The following ATP8B4 variants were observed in gnomAD, a reference collection of about 807,000 sequenced individuals.
ATP8B4 encodes probable phospholipid-transporting ATPase IM.
ATP8B4 carries 133 observed loss-of-function variants against 145.6 expected under a neutral mutation model. The ratio of observed to expected loss-of-function variants is 0.91; its 90% CI spans 0.79 to 1.05. ATP8B4 has a LOEUF of 1.05. Ranked by LOEUF, ATP8B4 falls within the 50% of genes least tolerant of loss-of-function variation. ATP8B4 has a pLI of 0.00. For synonymous variants in ATP8B4, 507 were observed against 492.9 expected, an observed-to-expected ratio of 1.03 and a Z score of -0.38; for missense variants, 1,458 against 1,425.2, an observed-to-expected ratio of 1.02 and a Z score of -0.37.
At chr15:50,009,975 C>T (rs894732275) in intron 7 of ATP8B4, among the ~76,000 whole-genome samples, 3 of 152,112 alleles carry the variant, frequency 2.0e-5, no homozygotes, top group African/African-American at 7.2e-5. Flanking sequence ...TCAGTATACA[C>T]AGATGGTGCA....
At chr15:50,167,371 T>C (rs2044610475) in intron 1 of ATP8B4, among the ~76,000 whole-genome samples, 2 of 152,182 alleles carry the variant, frequency 1.3e-5, no homozygotes, top group South Asian at 4.1e-4. Context: ...GCCTCTCTCA[T>C]ACCTTTTAGT....
intron 23 of ATP8B4, among the ~76,000 whole-genome samples, chr15:49,891,257 A>G (rs1190743587): frequency 6.6e-6 from 1 of 151,586 alleles, no homozygotes; most frequent in African/African-American, 2.4e-5. Context: ...CTCCTAAGTC[A>G]TCCTAGATCC....
At chr15:49,927,636 T>A (rs1327827234) in intron 16 of ATP8B4, among the ~76,000 whole-genome samples, 2 of 152,126 alleles carry the variant, frequency 1.3e-5, no homozygotes, top group Non-Finnish European at 2.9e-5. Flanking sequence ...CCACAGCCTG[T>A]AATGGTGACC....
At chr15:50,102,472 A>G (rs1259739088) in intron 2 of ATP8B4, among the ~76,000 whole-genome samples, 2 of 152,234 alleles carry the variant, frequency 1.3e-5, no homozygotes, top group Middle Eastern at 6.8e-3. Flanking sequence ...ACACCTTTAC[A>G]TCCATAAACT....
At chr15:50,065,509 C>T (rs2053321954) in intron 3 of ATP8B4, among the ~76,000 whole-genome samples, 1 of 152,140 alleles carries the variant, frequency 6.6e-6, no homozygotes, top group Non-Finnish European at 1.5e-5. Flanking sequence ...TCAATTGTTA[C>T]TAAACTTGCC....
At chr15:50,162,818 T>G (rs2044542482) in intron 1 of ATP8B4, among the ~76,000 whole-genome samples, 1 of 152,214 alleles carries the variant, frequency 6.6e-6, no homozygotes, top group African/African-American at 2.4e-5. Flanking sequence ...TTTTTTGTTT[T>G]TTTTCTTGTT....
At chr15:49,957,181 A>C (rs1420140579) in intron 14 of ATP8B4, among the ~76,000 whole-genome samples, 1 of 152,172 alleles carries the variant, frequency 6.6e-6, no homozygotes. Context: ...CTATTAAGAA[A>C]AATATTAGGA....
At chr15:49,920,091 A>C (rs923377165) in intron 18 of ATP8B4, among the ~76,000 whole-genome samples, 155 bp downstream of exon 18, 1 of 152,314 alleles carries the variant, frequency 6.6e-6, no homozygotes, top group South Asian at 2.1e-4. Context: ...TACATGGAAA[A>C]CTCAAAGCCA....
chr15:50,147,331 G>A (rs1293515056), intron 1 of ATP8B4, among the ~76,000 whole-genome samples: 12 of 150,168 alleles, frequency 8.0e-5, no homozygotes, highest in Admixed American at 6.0e-4. Flanking sequence ...CATGAGAATC[G>A]CTTGAACTGG....
At chr15:50,150,725 T>A (rs1233440817) in intron 1 of ATP8B4, among the ~76,000 whole-genome samples, 3 of 152,250 alleles carry the variant, frequency 2.0e-5, no homozygotes, top group Non-Finnish European at 2.9e-5. Context: ...TTCAGAGTTG[T>A]ACCTCTGCAA....
chr15:49,925,132 T>C (rs1186684202), intron 16 of ATP8B4, among the ~76,000 whole-genome samples: 1 of 152,114 alleles, frequency 6.6e-6, no homozygotes, highest in Non-Finnish European at 1.5e-5. Flanking sequence ...AATATCCATA[T>C]TAGAAATTAA....
chr15:50,028,272 C>G (rs554340658), intron 6 of ATP8B4, among the ~76,000 whole-genome samples: 1 of 152,280 alleles, frequency 6.6e-6, no homozygotes, highest in South Asian at 2.1e-4. Context: ...CTTTTCCTTC[C>G]AGTATTGCAC....
intron 14 of ATP8B4, among the ~76,000 whole-genome samples, chr15:49,952,516 ACTT>A (rs1031035104): frequency 3.5e-4 from 54 of 152,176 alleles, no homozygotes; most frequent in African/African-American, 1.3e-3. Flanking sequence ...TATTTCACGA[ACTT>A]CTCATACTGT....
intron 6 of ATP8B4, among the ~76,000 whole-genome samples, chr15:50,019,988 G>A (rs1189187700): frequency 6.6e-6 from 1 of 151,638 alleles, no homozygotes; most frequent in East Asian, 1.9e-4. Flanking sequence ...TTTGAAACAG[G>A]GTCTCTGTTG....
intron 27 of ATP8B4, among the ~76,000 whole-genome samples, chr15:49,861,846 C>A (rs2031877943): frequency 6.6e-6 from 1 of 152,172 alleles, no homozygotes; most frequent in African/African-American, 2.4e-5. Context: ...AAATGTTAAG[C>A]CCCTTTGACT....
intron 14 of ATP8B4, among the ~76,000 whole-genome samples, chr15:49,960,432 T>C (rs2043967119): frequency 6.6e-6 from 1 of 152,140 alleles, no homozygotes; most frequent in Admixed American, 6.5e-5. Flanking sequence ...GCTATAAAAG[T>C]AATATCCCAA....
intron 2 of ATP8B4, among the ~76,000 whole-genome samples, chr15:50,097,274 C>G (rs117395169): frequency 6.6e-6 from 1 of 151,962 alleles, no homozygotes; most frequent in African/African-American, 2.4e-5. Context: ...TTTTATCACC[C>G]TCTATCAAAG....
At chr15:50,012,672 A>C (rs1436862919) in intron 6 of ATP8B4, among the ~76,000 whole-genome samples, 2 of 152,190 alleles carry the variant, frequency 1.3e-5, no homozygotes, top group Non-Finnish European at 2.9e-5. Flanking sequence ...AACTGAACGA[A>C]GAGTAAGAAA....
chr15:49,895,571 C>T (rs2037312140), intron 23 of ATP8B4: 1 of 152,194 alleles, frequency 6.6e-6, no homozygotes, highest in Admixed American at 6.5e-5. Context: ...TTTCAGAAAC[C>T]TAATCACAGA....
Sources: allele counts gnomAD v4.1 joint callset (sites outside exome capture counted in the v4.1 genomes callset), GRCh38; gene constraint gnomAD v4.1.1; transcripts MANE v1.5; gene names NCBI Gene and HGNC (gene_info 2026-07-23, HGNC 2026-07-21).